Variants in PTPRT observed in about 807,000 individuals in gnomAD.
The protein encoded by PTPRT is receptor-type tyrosine-protein phosphatase T.
PTPRT carries 56 observed loss-of-function variants against 176.8 expected under a neutral mutation model. The observed-to-expected ratio is 0.32, with a 90% CI of 0.26 to 0.40. PTPRT has a LOEUF of 0.40. PTPRT is among the 10% of genes least tolerant of loss of function. The pLI, the probability that PTPRT is intolerant of heterozygous loss-of-function variation, is 1.00. For synonymous variants in PTPRT, 783 were observed against 739.0 expected (o/e 1.06, Z -0.96); for missense variants, 1,540 against 1,908.2 (o/e 0.81, Z 3.60).
At chr20:42,706,170 T>TCG (rs2076052840) in intron 6 of PTPRT, among the ~76,000 whole-genome samples, 1 of 141,920 alleles carries the variant, frequency 7.0e-6, no homozygotes, top group African/African-American at 2.8e-5. Flanking sequence ...TCTCTCTCTC[T>TCG]CTCTCTGTTT....
intron 1 of PTPRT, among the ~76,000 whole-genome samples, chr20:42,923,015 T>A (rs954183159): frequency 6.6e-5 from 10 of 152,080 alleles, no homozygotes; most frequent in African/African-American, 2.4e-4. Context: ...GCGAATGGTC[T>A]TATAGCCCAT....
chr20:42,599,790 G>T (rs1481890231), intron 7 of PTPRT, among the ~76,000 whole-genome samples: 1 of 152,134 alleles, frequency 6.6e-6, no homozygotes, highest in Non-Finnish European at 1.5e-5. Context: ...GTAATCAGGG[G>T]ATCTTAATCA....
At chr20:42,247,260 A>G (rs1390173050) in intron 14 of PTPRT, among the ~76,000 whole-genome samples, 1 of 152,200 alleles carries the variant, frequency 6.6e-6, no homozygotes, top group Non-Finnish European at 1.5e-5. Flanking sequence ...CCCTGGCCAG[A>G]GGCTAGTATG....
chr20:42,873,809 T>C (rs1347190755), intron 2 of PTPRT, among the ~76,000 whole-genome samples: 1 of 152,220 alleles, frequency 6.6e-6, no homozygotes, highest in Admixed American at 6.5e-5. Context: ...CCTCAATGGA[T>C]TACTGGATTT....
intron 11 of PTPRT, among the ~76,000 whole-genome samples, chr20:42,331,918 T>C (rs1388672682): frequency 6.6e-6 from 1 of 152,176 alleles, no homozygotes; most frequent in African/African-American, 2.4e-5. Flanking sequence ...TTCCACTTTG[T>C]TAATATTGAC....
rs76984682 is a variant in PTPRT at position 42,219,560 on chromosome 20, C to T, written c.2342+16669G>A. On this transcript the variant is annotated intron_variant, in intron 15 of 30. Transcript: ENST00000373187. ...TTCCTTAGACTTCCCTAGCCTCTTC[C>T]TCCTTATAACTTAACAACAACAAAG... is the stretch of plus-strand genomic sequence containing the variant. Among the ~76,000 whole-genome samples the T allele has an allele frequency of 3.8e-3, 584 of 152,278 alleles. 10 individuals carry two copies. The East Asian group carries it at 0.047, about 12-fold the overall frequency.
chr20:42,350,259 C>T (rs2058263030), intron 11 of PTPRT, among the ~76,000 whole-genome samples: 1 of 118,188 alleles, frequency 8.5e-6, no homozygotes, highest in Admixed American at 9.8e-5. Context: ...GACAGGGTCT[C>T]ACTTTGTTGC....
At chr20:42,556,823 C>CTGAG (rs1231666897) in intron 7 of PTPRT, among the ~76,000 whole-genome samples, 1 of 152,144 alleles carries the variant, frequency 6.6e-6, no homozygotes, top group Non-Finnish European at 1.5e-5. Flanking sequence ...TCATCCTCAA[C>CTGAG]TGAGTGACAT....
At chr20:42,463,268 C>A (rs550755059) in intron 8 of PTPRT, among the ~76,000 whole-genome samples, 268 of 151,994 alleles carry the variant, frequency 1.8e-3, no homozygotes, top group Admixed American at 2.7e-3. Flanking sequence ...TTTTCCATTC[C>A]TTTTTCTTTG....
chr20:43,043,004 T>C (rs1178543939), intron 1 of PTPRT, among the ~76,000 whole-genome samples: 1 of 152,174 alleles, frequency 6.6e-6, no homozygotes, highest in East Asian at 1.9e-4. Context: ...CAATAGCCCA[T>C]GGTCACATGT....
chr20:42,990,437 G>A (rs1427981697), intron 1 of PTPRT, among the ~76,000 whole-genome samples: 1 of 152,040 alleles, frequency 6.6e-6, no homozygotes, highest in East Asian at 1.9e-4. Flanking sequence ...GTTTTGTTTC[G>A]AAGGGAGAAA....
chr20:42,514,290 C>T (rs940036731), intron 7 of PTPRT, among the ~76,000 whole-genome samples: 1 of 152,180 alleles, frequency 6.6e-6, no homozygotes, highest in Non-Finnish European at 1.5e-5. Context: ...TTGATAATGT[C>T]ACACTTTTAA....
At chr20:42,857,524 C>T (rs760068811) in intron 2 of PTPRT, among the ~76,000 whole-genome samples, 13 of 152,164 alleles carry the variant, frequency 8.5e-5, no homozygotes, top group African/African-American at 2.4e-4. Context: ...CTTTTCTCTC[C>T]GAGCTTCTGC....
In PTPRT at chr20:42,322,292, G is replaced by A. The variant is rs376989714; in HGVS notation, c.1866-6296C>T. 3.2e-4 allele frequency among the ~76,000 whole-genome samples: 48 copies of A among 150,558 alleles called. 1 individual carries two copies. In the East Asian group the frequency reaches 4.1e-3, roughly 13 times the overall value. ...TTCATATGGAACCAAAAAAGAGCCCGCATCACCAAGTCAATCCTAAGCCAA... is the reference window on the plus strand; with the variant it reads ...TTCATATGGAACCAAAAAAGAGCCCACATCACCAAGTCAATCCTAAGCCAA... On this transcript the variant is annotated intron_variant, in intron 11 of 30. Coordinates refer to ENST00000373187, the MANE Select transcript of PTPRT (RefSeq NM_007050.6).
chr20:42,664,803 A>T (rs2034273213), intron 7 of PTPRT, among the ~76,000 whole-genome samples: 1 of 152,166 alleles, frequency 6.6e-6, no homozygotes, highest in Non-Finnish European at 1.5e-5. Context: ...CATATCTACA[A>T]CTATCTGATC....
intron 1 of PTPRT, among the ~76,000 whole-genome samples, chr20:43,170,178 G>A (rs1218703866): frequency 1.3e-5 from 2 of 151,374 alleles, no homozygotes; most frequent in Non-Finnish European, 2.9e-5. Context: ...ATATATACGG[G>A]GGAAATTCCT....
At chr20:42,042,093 T>C in the PTPRT span, among the ~76,000 whole-genome samples, 1 of 152,312 alleles carries the variant, frequency 6.6e-6, no homozygotes, top group East Asian at 1.9e-4. Flanking sequence ...ATCCAGCTAT[T>C]ACTGACTTTT....
At chr20:42,990,043 CA>C (rs1037698058) in intron 1 of PTPRT, among the ~76,000 whole-genome samples, 3 of 151,998 alleles carry the variant, frequency 2.0e-5, no homozygotes, top group African/African-American at 7.2e-5. Context: ...TAGAAACAAA[CA>C]AAAAAATGTG....
At chr20:43,043,252 A>G (rs1168763752) in intron 1 of PTPRT, among the ~76,000 whole-genome samples, 1 of 152,186 alleles carries the variant, frequency 6.6e-6, no homozygotes, top group Non-Finnish European at 1.5e-5. Context: ...CTCAGCCCTC[A>G]GGGAGGCATT....
Sources: allele counts gnomAD v4.1 joint callset (sites outside exome capture counted in the v4.1 genomes callset), GRCh38; gene constraint gnomAD v4.1.1; transcripts MANE v1.5; gene names NCBI Gene and HGNC (gene_info 2026-07-23, HGNC 2026-07-21).